The following PYHIN1 variants were observed in gnomAD, a reference collection of about 807,000 sequenced individuals.
The protein encoded by PYHIN1 is pyrin and HIN domain-containing protein 1.
In PYHIN1, 32 loss-of-function variants were observed where a neutral mutation model predicts 43.7. The ratio of observed to expected loss-of-function variants is 0.73; its 90% CI spans 0.55 to 0.98. The LOEUF (loss-of-function observed/expected upper bound fraction) is 0.98, where lower values mean the gene tolerates loss of function less well. Ranked by LOEUF, PYHIN1 falls within the 50% of genes least tolerant of loss-of-function variation. The pLI is 0.00. For synonymous variants in PYHIN1, 205 were observed against 203.1 expected, an observed-to-expected ratio of 1.01 and a Z score of -0.08; for missense variants, 588 against 589.5, an observed-to-expected ratio of 1.00 and a Z score of 0.03.
At chr1:158,949,833 G>A (rs115322446) in intron 7 of PYHIN1, among the ~76,000 whole-genome samples, 1,751 of 152,304 alleles carry the variant, frequency 0.011, 29 homozygotes, top group African/African-American at 0.04. Context: ...AGCACAGGAA[G>A]GAATGTTTGG....
intron 7 of PYHIN1, among the ~76,000 whole-genome samples, chr1:158,971,295 GTCCT>G (rs1650917327): frequency 6.6e-6 from 1 of 151,900 alleles, no homozygotes; most frequent in Non-Finnish European, 1.5e-5. Context: ...GAAGTAGAAT[GTCCT>G]TAATTATTTT....
chr1:158,950,404 G>A (rs146872324), intron 7 of PYHIN1, among the ~76,000 whole-genome samples: 37 of 152,214 alleles, frequency 2.4e-4, no homozygotes, highest in Admixed American at 1.3e-3. Context: ...CCAGGGCTGC[G>A]GGTCCTGCAG....
intron 7 of PYHIN1, among the ~76,000 whole-genome samples, chr1:158,967,299 T>C (rs149692915): frequency 6.1e-4 from 93 of 152,142 alleles, no homozygotes; most frequent in African/African-American, 1.5e-3. Flanking sequence ...TTTCTCATAA[T>C]CTTCAAATCA....
chr1:158,931,727 T>C lies in PYHIN1; in HGVS notation c.-70T>C. ...TTCAAAACAATCCTCATTTCCTACATTTCTGAAGATCTCAAGATCTGGACT... is the reference window on the plus strand; with the variant it reads ...TTCAAAACAATCCTCATTTCCTACACTTCTGAAGATCTCAAGATCTGGACT... On this transcript the variant is annotated 5_prime_UTR_variant, in exon 1 of 9. Transcript: ENST00000368140. 1 of 152,224 alleles carries C rather than the reference T, an allele frequency of 6.6e-6. No homozygotes were observed. Among genetic ancestry groups the C allele is most frequent in the African/African-American group, 2.4e-5 (1 of 41,462 alleles). The allele number at this position is 152,224 out of a possible 1,614,324, so 9.4% of individuals were successfully genotyped here.
At chr1:158,977,284 G>C (rs1303528505), downstream of PYHIN1, among the ~76,000 whole-genome samples, 2 of 152,074 alleles carry the variant, frequency 1.3e-5, no homozygotes, top group Non-Finnish European at 2.9e-5. Flanking sequence ...TGTGTCCTGG[G>C]AAGGAGTTGC....
At chr1:158,977,415 G>A (rs1651335224), downstream of PYHIN1, among the ~76,000 whole-genome samples, 1 of 152,126 alleles carries the variant, frequency 6.6e-6, no homozygotes, top group African/African-American at 2.4e-5. Context: ...GCCTATGTTA[G>A]AGGAATTCCT....
chr1:158,972,940 T>C (rs1344938394), intron 7 of PYHIN1, among the ~76,000 whole-genome samples: 3 of 152,086 alleles, frequency 2.0e-5, no homozygotes, highest in Non-Finnish European at 4.4e-5. Flanking sequence ...AAAACAAAGG[T>C]CCATGAATGA....
At chr1:158,941,920 A>T (rs1428100185) in intron 4 of PYHIN1, 57 bp from the exon 5 acceptor site, 1 of 1,493,340 alleles carries the variant, frequency 6.7e-7, no homozygotes, top group Non-Finnish European at 8.9e-7. Flanking sequence ...CTGAAGAGCA[A>T]TTCTGTATTC....
At chr1:158,932,151 T>C (rs1230073832) in intron 1 of PYHIN1, among the ~76,000 whole-genome samples, 1 of 152,214 alleles carries the variant, frequency 6.6e-6, no homozygotes, top group East Asian at 1.9e-4. Context: ...TATTCCACGC[T>C]GTATATGCAT....
chr1:158,990,031 A>G, the PYHIN1 span, among the ~76,000 whole-genome samples: 1 of 152,210 alleles, frequency 6.6e-6, no homozygotes, highest in African/African-American at 2.4e-5. Flanking sequence ...TGTGTGAATG[A>G]GTGTATGGCA....
intron 7 of PYHIN1, among the ~76,000 whole-genome samples, chr1:158,954,479 G>C (rs972142935): frequency 1.4e-5 from 2 of 146,928 alleles, no homozygotes; most frequent in African/African-American, 5.1e-5. Context: ...TTTCAACCCA[G>C]AATTTCATAT....
intron 4 of PYHIN1, 89 bp from the exon 5 acceptor site, chr1:158,941,888 C>T: frequency 4.0e-6 from 5 of 1,264,650 alleles, no homozygotes; most frequent in Non-Finnish European, 5.3e-6. Context: ...TTTTGGGGGC[C>T]CAATGTTGTG....
intron 1 of PYHIN1, among the ~76,000 whole-genome samples, chr1:158,932,658 C>A (rs560984458): frequency 1.2e-4 from 19 of 152,104 alleles, no homozygotes; most frequent in African/African-American, 4.6e-4. Flanking sequence ...GAAAATGTAT[C>A]CATTTTGCAA....
At chr1:158,970,209 TA>T (rs1294181652) in intron 7 of PYHIN1, among the ~76,000 whole-genome samples, 1 of 152,044 alleles carries the variant, frequency 6.6e-6, no homozygotes, top group Non-Finnish European at 1.5e-5. Flanking sequence ...TGATTTAAAT[TA>T]ATATTCAACC....
Position 158,956,550 on chromosome 1 carries a change from A to G in PYHIN1, c.1359+11508A>G, listed in dbSNP as rs1401751381. The stretch of plus-strand genomic sequence containing the variant: ...CAGAAAAAGCCTTTGACAAAATTCA[A>G]CAACCCTTCATGCTAAAAACTCTCA... On this transcript the variant is annotated intron_variant, in intron 7 of 8. Coordinates refer to ENST00000368140, the MANE Select transcript of PYHIN1 (RefSeq NM_152501.5). Among the ~76,000 whole-genome samples the G allele has an allele frequency of 8.6e-5, 13 of 151,934 alleles. No homozygotes were observed. In the South Asian group the frequency reaches 2.7e-3, roughly 32 times the overall value.
At chr1:158,981,919 C>T (rs1651496715), downstream of PYHIN1, among the ~76,000 whole-genome samples, 1 of 152,154 alleles carries the variant, frequency 6.6e-6, no homozygotes, top group Admixed American at 6.5e-5. Flanking sequence ...TTTTCACATG[C>T]TTGTTAGTTG....
chr1:158,969,159 G>A (rs1405882238), intron 7 of PYHIN1, among the ~76,000 whole-genome samples: 1 of 151,972 alleles, frequency 6.6e-6, no homozygotes, highest in Non-Finnish European at 1.5e-5. Context: ...GAGTCAGAAT[G>A]TAGATGTTAA....
At position 158,933,268 on chromosome 1, in the gene PYHIN1, G is replaced by C. The variant is rs1159557072; in HGVS notation, c.-21+1492G>C. On this transcript the variant is annotated intron_variant, in intron 1 of 8. Coordinates refer to ENST00000368140, the MANE Select transcript of PYHIN1 (RefSeq NM_152501.5). The surrounding 1 kb of genome is among the most constrained non-coding windows in gnomAD (Gnocchi z 6.3). ...TATTTGTGGCACCGTGTACATATGT[G>C]TGTATATGAAGATAAATATATTATA... Among the ~76,000 whole-genome samples, 1 of 151,240 alleles carries C rather than the reference G, an allele frequency of 6.6e-6. No homozygotes were observed. Among genetic ancestry groups the C allele is most frequent in the Admixed American group, 6.6e-5 (1 of 15,174 alleles).
chr1:158,988,460 G>C, the PYHIN1 span, among the ~76,000 whole-genome samples: 5 of 152,154 alleles, frequency 3.3e-5, no homozygotes, highest in African/African-American at 4.8e-5. Flanking sequence ...AAGCCTCTAT[G>C]ATCTTTTAGA....
Sources: gnomAD v4.1 joint callset for allele counts (sites outside exome capture counted in the v4.1 genomes callset) on GRCh38, gnomAD v4.1.1 for gene constraint, Gnocchi (gnomAD v3.1) non-coding constraint, MANE v1.5 for transcripts, NCBI Gene and HGNC (gene_info 2026-07-23, HGNC 2026-07-21) for gene names.